FRYL: variants seen among roughly 807,000 people sequenced by gnomAD.
FRYL encodes protein furry homolog-like.
FRYL carries 150 observed loss-of-function variants against 351.2 expected under a neutral mutation model. That is an observed-to-expected ratio of 0.43 (90% confidence interval 0.37 to 0.49). FRYL has a LOEUF of 0.49. FRYL is among the 20% of genes least tolerant of loss of function. The pLI is 0.00. For synonymous variants in FRYL, 1,153 were observed against 1,257.1 expected (o/e 0.92, Z 1.75); for missense variants, 3,036 against 3,619.3 (o/e 0.84, Z 4.13).
intron 1 of FRYL, among the ~76,000 whole-genome samples, chr4:48,764,102 G>A (rs1231033094): frequency 3.3e-5 from 5 of 152,220 alleles, no homozygotes; most frequent in East Asian, 1.9e-4. Context: ...CACAAGAAGC[G>A]AAGGTCATAG....
intron 3 of FRYL, among the ~76,000 whole-genome samples, chr4:48,666,171 G>A (rs2149488579): frequency 1.3e-5 from 2 of 152,246 alleles, no homozygotes; most frequent in South Asian, 4.1e-4. Context: ...AGACCAGCCT[G>A]GCCAACATGG....
chr4:48,713,499 C>G (rs1290715770), intron 1 of FRYL, among the ~76,000 whole-genome samples: 3 of 151,934 alleles, frequency 2.0e-5, no homozygotes, highest in Admixed American at 2.0e-4. Context: ...GACTTTAAAC[C>G]AAAAAAGATC....
intron 11 of FRYL, 38 bp from the exon 12 acceptor site, chr4:48,603,426 G>C (rs199803884): frequency 8.0e-7 from 1 of 1,257,304 alleles, no homozygotes; most frequent in Non-Finnish European, 1.2e-6. Flanking sequence ...AAATGATACA[G>C]ATGTTAGATT....
intron 33 of FRYL, 92 bp downstream of exon 33, chr4:48,561,376 A>C: frequency 4.9e-6 from 4 of 810,322 alleles, no homozygotes; most frequent in Non-Finnish European, 7.2e-6. Context: ...TTTTGATTTA[A>C]CCTGTAATTT....
chr4:48,564,388 T>C (rs1433511538), intron 30 of FRYL, among the ~76,000 whole-genome samples: 1 of 152,210 alleles, frequency 6.6e-6, no homozygotes, highest in East Asian at 1.9e-4. Flanking sequence ...TTAGGTGCTT[T>C]CAGAAAAATG....
intron 1 of FRYL, among the ~76,000 whole-genome samples, chr4:48,741,920 T>C (rs1345859752): frequency 1.3e-5 from 2 of 152,176 alleles, no homozygotes; most frequent in African/African-American, 4.8e-5. Flanking sequence ...TGAAGCTACT[T>C]TGTATACTAT....
chr4:48,580,468 G>C (rs1267266539), intron 22 of FRYL: 1 of 182,334 alleles, frequency 5.5e-6, no homozygotes, highest in African/African-American at 2.3e-5. Context: ...AAAAACAGTT[G>C]CCAAAAAAGC....
intron 3 of FRYL, among the ~76,000 whole-genome samples, chr4:48,644,567 A>G (rs1756009179): frequency 6.6e-6 from 1 of 151,746 alleles, no homozygotes; most frequent in Admixed American, 6.6e-5. Flanking sequence ...ATTAGAAGGA[A>G]AAAGATTATC....
intron 1 of FRYL, among the ~76,000 whole-genome samples, chr4:48,737,259 GAAAA>G (rs368219531): frequency 3.9e-4 from 38 of 97,680 alleles, no homozygotes; most frequent in Admixed American, 2.6e-3. Context: ...CTCCATCACA[GAAAA>G]AAAAAAAAAA....
intron 3 of FRYL, among the ~76,000 whole-genome samples, chr4:48,667,096 T>C (rs34512170): frequency 0.083 from 12,583 of 152,170 alleles, 675 homozygotes; most frequent in South Asian, 0.13. Flanking sequence ...TACAGCTAAT[T>C]TTTTTTAAAA....
At chr4:48,747,944 T>C (rs1394698804) in intron 1 of FRYL, among the ~76,000 whole-genome samples, 1 of 152,192 alleles carries the variant, frequency 6.6e-6, no homozygotes, top group African/African-American at 2.4e-5. Context: ...GATGGGCTTA[T>C]TTAAAAATAT....
intron 3 of FRYL, among the ~76,000 whole-genome samples, chr4:48,648,001 TA>T (rs1756877361): frequency 6.6e-6 from 1 of 152,200 alleles, no homozygotes; most frequent in Non-Finnish European, 1.5e-5. Flanking sequence ...TTATCTCCTG[TA>T]CCTAACCCAA....
rs752782721 is a variant in FRYL, at chr4:48,546,077, T to A, written c.5269A>T (p.Ile1757Phe). ...DGKVKTLMEF[I>F]TSRKRGPLWN... is the part of the protein sequence containing the mutation. The stretch of plus-strand genomic sequence containing the variant: ...AGCTGCCAGTGTTACCTTGAGGTAA[T>A]GAATTCCATGAGGGTTTTGACTTTT... Residue 1757 changes from isoleucine (I) to phenylalanine (F), a missense_variant, in exon 42 of 64, where the codon ATT (isoleucine) becomes TTT (phenylalanine). By Grantham distance (21) the Ile-to-Phe change is conservative. This residue lies in a region of FRYL where 1,987 missense variants were observed against 2,311.7 expected (regional missense o/e 0.86). Transcript: ENST00000358350. 6.2e-7 allele frequency: 1 copy of A among 1,612,894 alleles called. No individual in the cohort carries two copies. Among genetic ancestry groups the A allele is most frequent in the Admixed American group, 1.7e-5 (1 of 59,894 alleles).
At chr4:48,615,336 C>T (rs1749202841) in intron 7 of FRYL, among the ~76,000 whole-genome samples, 1 of 152,144 alleles carries the variant, frequency 6.6e-6, no homozygotes, top group African/African-American at 2.4e-5. Flanking sequence ...TCTGAAAATG[C>T]AAATAATCTA....
intron 4 of FRYL, among the ~76,000 whole-genome samples, chr4:48,625,854 A>C (rs1049810070): frequency 6.6e-6 from 1 of 152,160 alleles, no homozygotes; most frequent in Non-Finnish European, 1.5e-5. Context: ...AAAGGAAAGA[A>C]AGTATGTATA....
chr4:48,565,702 A>C lies in FRYL; in HGVS notation c.3170-11T>G. 1 of 1,601,506 alleles carries C rather than the reference A, an allele frequency of 6.2e-7. No individual in the cohort carries two copies. Among genetic ancestry groups the C allele is most frequent in the South Asian group, 1.1e-5 (1 of 88,386 alleles). ...TTCTTCTCTGGTGCACTGTGAATAA[A>C]AAAAGATAGAAAACATTTATTTCCA... On this transcript the variant is annotated splice_polypyrimidine_tract_variant and intron_variant, in intron 28 of 63. Coordinates refer to ENST00000358350, the MANE Select transcript of FRYL (RefSeq NM_015030.2).
intron 7 of FRYL, among the ~76,000 whole-genome samples, chr4:48,614,815 C>CT (rs369399363): frequency 1.2e-4 from 8 of 67,930 alleles, no homozygotes; most frequent in African/African-American, 4.8e-4. Context: ...AAGTTTAATG[C>CT]TTTTTTTTTT....
At chr4:48,656,152 G>T (rs1225556685) in intron 3 of FRYL, among the ~76,000 whole-genome samples, 1 of 129,660 alleles carries the variant, frequency 7.7e-6, no homozygotes, top group African/African-American at 2.9e-5. Flanking sequence ...ATTATAAAAC[G>T]TATATAATTA....
intron 4 of FRYL, among the ~76,000 whole-genome samples, chr4:48,632,398 G>A (rs1458775608): frequency 6.7e-6 from 1 of 150,092 alleles, no homozygotes; most frequent in Non-Finnish European, 1.5e-5. Flanking sequence ...AAGTAGACTA[G>A]TGTAGTAATT....
Sources: allele counts gnomAD v4.1 joint callset (sites outside exome capture counted in the v4.1 genomes callset), GRCh38; gene constraint gnomAD v4.1.1; regional missense constraint gnomAD v4.1.1; transcripts MANE v1.5; gene names NCBI Gene and HGNC (gene_info 2026-07-23, HGNC 2026-07-21).